COG5: variants seen among roughly 807,000 people sequenced by gnomAD.
COG5 encodes conserved oligomeric Golgi complex subunit 5.
COG5 carries 86 observed loss-of-function variants against 110.4 expected under a neutral mutation model. The ratio of observed to expected loss-of-function variants is 0.78; its 90% CI spans 0.65 to 0.93. The LOEUF (loss-of-function observed/expected upper bound fraction) is 0.93, where lower values mean the gene tolerates loss of function less well. Among genes scored for constraint, COG5 ranks in the 40% least tolerant of loss-of-function variants. The probability of loss-of-function intolerance (pLI) is 0.00; values close to 1 mark genes in which losing one functional copy is unlikely to be tolerated. For missense variants in COG5, 1,077 were observed against 987.0 expected, an observed-to-expected ratio of 1.09 and a Z score of -1.22; for synonymous variants, 360 against 334.6, an observed-to-expected ratio of 1.08 and a Z score of -0.83.
intron 12 of COG5, among the ~76,000 whole-genome samples, chr7:107,293,986 C>T (rs773870160): frequency 5.3e-5 from 8 of 152,156 alleles, no homozygotes; most frequent in Non-Finnish European, 1.2e-4. Context: ...GTGGGAGAAT[C>T]GCTTGAACCC....
At chr7:107,560,210 G>C (rs552352460) in intron 1 of COG5, among the ~76,000 whole-genome samples, 278 of 152,184 alleles carry the variant, frequency 1.8e-3, no homozygotes, top group African/African-American at 6.0e-3. Flanking sequence ...ATGGTAATCA[G>C]CAAACACTAC....
In COG5 at chr7:107,549,030, T is replaced by A. The variant is rs141228767; in HGVS notation, c.293-698A>T. On this transcript the variant is annotated intron_variant, in intron 3 of 21. Coordinates refer to ENST00000297135, the MANE Select transcript of COG5 (RefSeq NM_006348.5). ...TTTAAGTATAGACATGTGGTCATAT[T>A]TTAAATGAAATAATATTGGAACAAA... Among the ~76,000 whole-genome samples, 346 of 152,352 alleles carry A rather than the reference T, an allele frequency of 2.3e-3. 2 individuals are homozygous for A. The highest frequency in any genetic ancestry group is 8.0e-3 in the African/African-American group (334 of 41,588).
chr7:107,415,811 T>TATAC (rs1554434640), intron 6 of COG5, among the ~76,000 whole-genome samples: 1 of 90,190 alleles, frequency 1.1e-5, no homozygotes, highest in Non-Finnish European at 2.5e-5. Context: ...TGTGTATATA[T>TATAC]ACACACATAC....
At chr7:107,505,371 G>A (rs1267305470) in intron 6 of COG5, among the ~76,000 whole-genome samples, 1 of 152,158 alleles carries the variant, frequency 6.6e-6, no homozygotes, top group Non-Finnish European at 1.5e-5. Context: ...TAGCTCCCTT[G>A]TCAGGCTGGC....
intron 5 of COG5, among the ~76,000 whole-genome samples, chr7:107,532,421 A>G (rs1307783476): frequency 6.6e-6 from 1 of 152,236 alleles, no homozygotes; most frequent in Non-Finnish European, 1.5e-5. Flanking sequence ...ACTTTTCCAT[A>G]GACATAGCAA....
In COG5 at chr7:107,281,503, T is replaced by A. The variant is rs1428987734; in HGVS notation, c.1476-104A>T. On this transcript the variant is annotated intron_variant, in intron 13 of 21. Coordinates refer to ENST00000297135, the MANE Select transcript of COG5 (RefSeq NM_006348.5). ...CCCAATAAGCAATGTGGTTATTCTT[T>A]TTATAGATTTCACTGCTTCCAAGAA... 3.5e-6 allele frequency: 3 copies of A among 845,162 alleles called. No individual in the cohort carries two copies. The East Asian group carries it at 7.9e-5, about 22-fold the overall frequency. 52.4% of individuals were successfully genotyped at this position (845,162 alleles called of 1,614,324 possible). A position where few individuals can be genotyped will look rare whatever the true frequency, so the allele number is the denominator to read the frequency against.
chr7:107,385,988 TTGTGTGTGTGTG>T (rs59992824), intron 7 of COG5, among the ~76,000 whole-genome samples: 2 of 144,834 alleles, frequency 1.4e-5, no homozygotes, highest in African/African-American at 2.6e-5. Context: ...AAACCAGGTT[TTGTGTGTGTGTG>T]TGTGTGTGTG....
At chr7:107,536,961 G>C (rs2129165237) in intron 5 of COG5, among the ~76,000 whole-genome samples, 1 of 152,238 alleles carries the variant, frequency 6.6e-6, no homozygotes, top group Admixed American at 6.5e-5. Flanking sequence ...ACAGGCCTCA[G>C]AAATAACACC....
chr7:107,513,575 A>G (rs1013625540), intron 6 of COG5, among the ~76,000 whole-genome samples: 4 of 152,168 alleles, frequency 2.6e-5, no homozygotes, highest in African/African-American at 4.8e-5. Context: ...TATAAATCAC[A>G]CTGCTATAAA....
chr7:107,547,975 T>C (rs997310327), intron 5 of COG5, 136 bp downstream of exon 5: 4 of 730,824 alleles, frequency 5.5e-6, no homozygotes, highest in African/African-American at 1.8e-5. Context: ...TTAAGGCTTT[T>C]TAGTATTTTT....
At chr7:107,300,106 A>T (rs1273367945) in intron 11 of COG5, among the ~76,000 whole-genome samples, 1 of 151,952 alleles carries the variant, frequency 6.6e-6, no homozygotes, top group Non-Finnish European at 1.5e-5. Flanking sequence ...ATAGAGGAAG[A>T]AAAAGCATTT....
At chr7:107,547,933 G>A in intron 5 of COG5, 178 bp downstream of exon 5, 2 of 618,736 alleles carry the variant, frequency 3.2e-6, no homozygotes, top group Non-Finnish European at 5.8e-6. Context: ...AAAAGAATTT[G>A]CTTTAGATTT....
In COG5 at chr7:107,202,791, T is replaced by G. The variant is rs1798440027; in HGVS notation, c.*725A>C. 6.6e-6 allele frequency: 1 copy of G among 152,196 alleles called. No homozygotes were observed. Among genetic ancestry groups the G allele is most frequent in the African/African-American group, 2.4e-5 (1 of 41,450 alleles). The allele number at this position is 152,196 out of a possible 1,614,324, so 9.4% of individuals were successfully genotyped here. On this transcript the variant is annotated 3_prime_UTR_variant, in exon 22 of 22. Transcript: ENST00000297135. ...AATTTTTATTTTTCACGTGGCATTT[T>G]TGTTACACGGTTAAACAGCCCAAAG...
chr7:107,318,675 T>C (rs1245484550), intron 11 of COG5, among the ~76,000 whole-genome samples: 2 of 152,174 alleles, frequency 1.3e-5, no homozygotes, highest in Non-Finnish European at 2.9e-5. Flanking sequence ...TCTCATGACC[T>C]TTCCTTGTGC....
At chr7:107,552,069 A>G (rs1351452965) in intron 3 of COG5, among the ~76,000 whole-genome samples, 1 of 152,236 alleles carries the variant, frequency 6.6e-6, no homozygotes, top group Non-Finnish European at 1.5e-5. Context: ...TAATCTTTGA[A>G]CATCATTCTG....
intron 7 of COG5, among the ~76,000 whole-genome samples, chr7:107,398,814 G>A (rs1791213546): frequency 6.6e-6 from 1 of 152,156 alleles, no homozygotes; most frequent in South Asian, 2.1e-4. Context: ...GGGGTAGGAG[G>A]AGGAACTGAC....
At chr7:107,543,913 C>A (rs995041010) in intron 5 of COG5, among the ~76,000 whole-genome samples, 1 of 152,078 alleles carries the variant, frequency 6.6e-6, no homozygotes, top group African/African-American at 2.4e-5. Flanking sequence ...AGGCTCATCA[C>A]AGCAGAACCC....
chr7:107,372,755 T>C lies in COG5; in HGVS notation c.675A>G (p.Pro225=). The change falls in exon 8 of 22, where the codon CCA becomes CCG. Residue 225 remains proline, a synonymous_variant. Coordinates refer to ENST00000297135, the MANE Select transcript of COG5 (RefSeq NM_006348.5). ...LLEQGLETQN[P]TQVGTALQVF... ...CCTGAAGAGCTGTTCCGACTTGAGT[T>C]GGATTCTTAAAAAAAGGTGGGGTGG... The C allele has an allele frequency of 6.2e-7, 1 of 1,613,496 alleles. No individual in the cohort carries two copies. Among genetic ancestry groups the C allele is most frequent in the Non-Finnish European group, 8.5e-7 (1 of 1,179,702 alleles).
At chr7:107,270,106 C>G (rs1804123896) in intron 14 of COG5, among the ~76,000 whole-genome samples, 2 of 152,152 alleles carry the variant, frequency 1.3e-5, no homozygotes, top group African/African-American at 4.8e-5. Context: ...CTCTTCAGTC[C>G]CATTCATTGT....
Sources: gnomAD v4.1 joint callset for allele counts (sites outside exome capture counted in the v4.1 genomes callset) on GRCh38, gnomAD v4.1.1 for gene constraint, MANE v1.5 for transcripts, NCBI Gene and HGNC (gene_info 2026-07-23, HGNC 2026-07-21) for gene names.